UNC5D: variants seen among roughly 807,000 people sequenced by gnomAD.
The protein encoded by UNC5D is unc-5 netrin receptor D.
A neutral mutation model predicts 105.4 loss-of-function variants in UNC5D; 39 were observed. That is an observed-to-expected ratio of 0.37 (90% CI 0.29 to 0.48). UNC5D has a LOEUF of 0.48. Ranked by LOEUF, UNC5D falls within the 20% of genes least tolerant of loss-of-function variation. The probability of loss-of-function intolerance (pLI) is 0.98; values close to 1 mark genes in which losing one functional copy is unlikely to be tolerated. For synonymous variants in UNC5D, 452 were observed against 450.4 expected (o/e 1.00, Z -0.04); for missense variants, 991 against 1,202.4 (o/e 0.82, Z 2.60).
chr8:35,665,473 A>G (rs1317479100), intron 4 of UNC5D, among the ~76,000 whole-genome samples: 1 of 152,098 alleles, frequency 6.6e-6, no homozygotes, highest in African/African-American at 2.4e-5. Flanking sequence ...TTACACCCAA[A>G]TAAGACCATG....
At chr8:35,668,146 A>G (rs909015347) in intron 4 of UNC5D, among the ~76,000 whole-genome samples, 2 of 152,122 alleles carry the variant, frequency 1.3e-5, no homozygotes, top group Non-Finnish European at 2.9e-5. Flanking sequence ...TCTCATTTTC[A>G]TATTCATTAT....
intron 1 of UNC5D, among the ~76,000 whole-genome samples, chr8:35,337,353 A>T (rs1049977430): frequency 6.6e-6 from 1 of 152,222 alleles, no homozygotes; most frequent in African/African-American, 2.4e-5. Context: ...GACAGAGGAA[A>T]CTTACTTGGC....
At chr8:35,459,608 C>G (rs1808746679) in intron 1 of UNC5D, among the ~76,000 whole-genome samples, 1 of 152,186 alleles carries the variant, frequency 6.6e-6, no homozygotes, top group Non-Finnish European at 1.5e-5. Context: ...TTCATAGCCT[C>G]TGCAATTTCT....
intron 1 of UNC5D, among the ~76,000 whole-genome samples, chr8:35,241,457 G>A (rs1488549394): frequency 1.3e-5 from 2 of 152,102 alleles, no homozygotes; most frequent in East Asian, 3.9e-4. Flanking sequence ...CCACTTCACT[G>A]AATTCAGTGA....
chr8:35,647,102 C>T (rs554977645), intron 4 of UNC5D, among the ~76,000 whole-genome samples: 1 of 152,226 alleles, frequency 6.6e-6, no homozygotes, highest in Non-Finnish European at 1.5e-5. Flanking sequence ...TTGACTTCAC[C>T]TGCATCTTAT....
At chr8:35,509,510 T>TC in intron 1 of UNC5D, among the ~76,000 whole-genome samples, 1 of 113,676 alleles carries the variant, frequency 8.8e-6, no homozygotes, top group Non-Finnish European at 1.8e-5. Context: ...TCCTCTCTTC[T>TC]CTTCTCTCCT....
chr8:35,483,401 C>T (rs968224760), intron 1 of UNC5D, among the ~76,000 whole-genome samples: 1 of 152,050 alleles, frequency 6.6e-6, no homozygotes, highest in African/African-American at 2.4e-5. Flanking sequence ...TATCTTTTTA[C>T]CTTTGCAGTC....
chr8:35,505,368 GGCCACTCTTCTT>G (rs145123181), intron 1 of UNC5D, among the ~76,000 whole-genome samples: 3,388 of 152,288 alleles, frequency 0.022, 142 homozygotes, highest in African/African-American at 0.078. Flanking sequence ...ACAATTGAAT[GGCCACTCTTCTT>G]GCCTGGCTTG....
At chr8:35,467,476 T>C (rs1015179070) in intron 1 of UNC5D, among the ~76,000 whole-genome samples, 3 of 151,896 alleles carry the variant, frequency 2.0e-5, no homozygotes, top group Non-Finnish European at 2.9e-5. Context: ...CATGAGGTTT[T>C]TGGATTCATC....
intron 1 of UNC5D, among the ~76,000 whole-genome samples, chr8:35,292,033 T>A (rs918727366): frequency 6.6e-6 from 1 of 152,176 alleles, no homozygotes; most frequent in African/African-American, 2.4e-5. Context: ...CTAATTGAAG[T>A]TAGGCTATTT....
intron 1 of UNC5D, chr8:35,525,317 T>C: frequency 6.2e-7 from 1 of 1,612,226 alleles, no homozygotes; most frequent in Non-Finnish European, 8.5e-7. Context: ...CTTTACAGTT[T>C]TCCACTTGAT....
chr8:35,245,564 G>A (rs1026726893), intron 1 of UNC5D, among the ~76,000 whole-genome samples: 1 of 151,946 alleles, frequency 6.6e-6, no homozygotes, highest in South Asian at 2.1e-4. Flanking sequence ...GGGTTTGGGG[G>A]TTTGCTATAA....
intron 1 of UNC5D, among the ~76,000 whole-genome samples, chr8:35,466,680 C>A (rs1809327117): frequency 6.6e-6 from 1 of 152,102 alleles, no homozygotes; most frequent in Non-Finnish European, 1.5e-5. Context: ...GTTTGGATTT[C>A]AACAGTCCTG....
intron 1 of UNC5D, among the ~76,000 whole-genome samples, chr8:35,513,107 A>C (rs1812867010): frequency 6.6e-6 from 1 of 151,970 alleles, no homozygotes; most frequent in Non-Finnish European, 1.5e-5. Context: ...AGTATTCCAG[A>C]CAGGCTCCCA....
At chr8:35,367,597 C>G (rs2128922747) in intron 1 of UNC5D, among the ~76,000 whole-genome samples, 1 of 151,278 alleles carries the variant, frequency 6.6e-6, no homozygotes, top group East Asian at 1.9e-4. Context: ...TATAAACCCT[C>G]AAATACTTCA....
intron 1 of UNC5D, among the ~76,000 whole-genome samples, chr8:35,529,344 A>G (rs1814151006): frequency 7.6e-6 from 1 of 131,344 alleles, no homozygotes; most frequent in Admixed American, 7.8e-5. Flanking sequence ...GGTTTGTCAA[A>G]GATCAGATAG....
chr8:35,759,291 G>T (rs1179001748), intron 13 of UNC5D, 29 bp from the exon 14 acceptor site: 1 of 1,609,486 alleles, frequency 6.2e-7, no homozygotes, highest in Non-Finnish European at 8.5e-7. Flanking sequence ...TTTCATTATT[G>T]ATCTTATTTT....
intron 1 of UNC5D, chr8:35,525,499 T>C (rs1296787203): frequency 6.2e-7 from 1 of 1,612,212 alleles, no homozygotes; most frequent in Non-Finnish European, 8.5e-7. Flanking sequence ...CGTGCTTTGC[T>C]GGCAAGCTTA....
intron 1 of UNC5D, among the ~76,000 whole-genome samples, chr8:35,287,523 G>A (rs1806690635): frequency 6.7e-6 from 1 of 148,810 alleles, no homozygotes; most frequent in South Asian, 2.2e-4. Context: ...GACTGGATAT[G>A]GTGGCACGTG....
Sources: gnomAD v4.1 joint callset for allele counts (sites outside exome capture counted in the v4.1 genomes callset) on GRCh38, gnomAD v4.1.1 for gene constraint, MANE v1.5 for transcripts, NCBI Gene and HGNC (gene_info 2026-07-23, HGNC 2026-07-21) for gene names.